NBEA: variants seen among roughly 807,000 people sequenced by gnomAD.
NBEA encodes the protein neurobeachin, also known as lysosomal-trafficking regulator 2.
NBEA carries 44 observed loss-of-function variants against 343.4 expected under a neutral mutation model. The observed-to-expected ratio is 0.13, with a 90% CI of 0.10 to 0.16. The LOEUF is 0.16. NBEA is among the 10% of genes least tolerant of loss of function. The pLI, the probability that NBEA is intolerant of heterozygous loss-of-function variation, is 1.00. For missense variants in NBEA, 2,555 were observed against 3,631.3 expected, an observed-to-expected ratio of 0.70 and a Z score of 7.62; for synonymous variants, 1,175 against 1,238.7, an observed-to-expected ratio of 0.95 and a Z score of 1.08.
chr13:35,236,881 T>C (rs1354648644), intron 34 of NBEA, among the ~76,000 whole-genome samples: 4 of 152,140 alleles, frequency 2.6e-5, no homozygotes, highest in Non-Finnish European at 5.9e-5. Context: ...ATAATATTAA[T>C]AAAATTATTT....
intron 39 of NBEA, among the ~76,000 whole-genome samples, chr13:35,451,802 G>C (rs1041211716): frequency 1.3e-5 from 2 of 152,132 alleles, no homozygotes; most frequent in Non-Finnish European, 2.9e-5. Context: ...CCTTAGACAT[G>C]GTAGAGTTCG....
At chr13:35,178,287 A>C (rs1230627449) in intron 28 of NBEA, among the ~76,000 whole-genome samples, 1 of 151,756 alleles carries the variant, frequency 6.6e-6, no homozygotes, top group South Asian at 2.1e-4. Context: ...AACCACTAGA[A>C]CCCAGTCGTT....
intron 25 of NBEA, among the ~76,000 whole-genome samples, chr13:35,170,173 C>A (rs573622965): frequency 6.6e-6 from 1 of 151,678 alleles, no homozygotes; most frequent in Admixed American, 6.6e-5. Flanking sequence ...TTTCTGCTCA[C>A]GTTTCCATGT....
chr13:35,202,253 C>A (rs2073072676), intron 31 of NBEA, among the ~76,000 whole-genome samples: 1 of 152,110 alleles, frequency 6.6e-6, no homozygotes, highest in South Asian at 2.1e-4. Flanking sequence ...ATAACTCTGA[C>A]CAGGTCAATT....
chr13:35,665,776 G>A (rs1388857329), intron 56 of NBEA, among the ~76,000 whole-genome samples: 5 of 152,074 alleles, frequency 3.3e-5, no homozygotes, highest in African/African-American at 4.8e-5. Context: ...ACAGGCGCCC[G>A]CAACCAAGCC....
At chr13:35,247,611 G>C (rs2031398420) in intron 34 of NBEA, among the ~76,000 whole-genome samples, 1 of 152,114 alleles carries the variant, frequency 6.6e-6, no homozygotes, top group Admixed American at 6.5e-5. Flanking sequence ...CACTTTCACA[G>C]TTTGGACACT....
At chr13:35,014,071 T>G (rs1397580157) in intron 1 of NBEA, among the ~76,000 whole-genome samples, 1 of 152,218 alleles carries the variant, frequency 6.6e-6, no homozygotes, top group Non-Finnish European at 1.5e-5. Flanking sequence ...GAAATTTTTG[T>G]AAACACCTTC....
At chr13:35,512,613 A>C (rs1351620179) in intron 41 of NBEA, among the ~76,000 whole-genome samples, 1 of 152,118 alleles carries the variant, frequency 6.6e-6, no homozygotes, top group Non-Finnish European at 1.5e-5. Context: ...AGCTTGCCTG[A>C]GTCTTATCTT....
At chr13:35,340,989 C>T (rs969764041) in intron 36 of NBEA, among the ~76,000 whole-genome samples, 3 of 152,076 alleles carry the variant, frequency 2.0e-5, no homozygotes, top group Admixed American at 6.6e-5. Context: ...AATTTCAAAA[C>T]TTAATACAAA....
chr13:35,094,425 A>G (rs891216702), intron 10 of NBEA, among the ~76,000 whole-genome samples: 2 of 152,052 alleles, frequency 1.3e-5, no homozygotes, highest in African/African-American at 2.4e-5. Context: ...TTTACCGCCT[A>G]TGTAGGCATT....
At chr13:35,477,921 T>C (rs2075949729) in intron 41 of NBEA, among the ~76,000 whole-genome samples, 1 of 152,176 alleles carries the variant, frequency 6.6e-6, no homozygotes, top group South Asian at 2.1e-4. Flanking sequence ...AGTTGTGTCC[T>C]CAAAGTACAG....
intron 41 of NBEA, among the ~76,000 whole-genome samples, chr13:35,482,023 A>G (rs1376826476): frequency 2.0e-5 from 3 of 151,974 alleles, no homozygotes; most frequent in South Asian, 2.1e-4. Context: ...GAAATATTCA[A>G]CATGACCTTG....
At chr13:35,389,502 C>A (rs2042397126) in intron 38 of NBEA, among the ~76,000 whole-genome samples, 4 of 151,474 alleles carry the variant, frequency 2.6e-5, no homozygotes, top group Admixed American at 2.6e-4. Flanking sequence ...ATTCTGAAAC[C>A]AAAAAAATGC....
At chr13:35,008,427 T>C (rs1362944386) in intron 1 of NBEA, among the ~76,000 whole-genome samples, 2 of 152,188 alleles carry the variant, frequency 1.3e-5, no homozygotes, top group African/African-American at 4.8e-5. Flanking sequence ...GCCTATACAA[T>C]GTAAATGCTG....
At chr13:35,338,674 G>A (rs962790723) in intron 36 of NBEA, among the ~76,000 whole-genome samples, 4 of 151,844 alleles carry the variant, frequency 2.6e-5, no homozygotes, top group African/African-American at 4.8e-5. Flanking sequence ...GTAACAAACC[G>A]GTATCTACCA....
At position 35,240,735 on chromosome 13, in the gene NBEA, A is replaced by C. The variant is rs1468620816; in HGVS notation, c.5776+8116A>C. Among the ~76,000 whole-genome samples, 3 of 151,862 alleles carry C rather than the reference A, an allele frequency of 2.0e-5. No homozygotes were observed. The East Asian group carries it at 5.8e-4, about 29-fold the overall frequency. ...GATTTAGGTATTAAAAACTATAATCAAAGGCAAAGTGATTATCATAAAAAT... is the reference window on the plus strand; with the variant it reads ...GATTTAGGTATTAAAAACTATAATCCAAGGCAAAGTGATTATCATAAAAAT... On this transcript the variant is annotated intron_variant, in intron 34 of 58. Transcript: ENST00000379939.
intron 35 of NBEA, among the ~76,000 whole-genome samples, chr13:35,302,228 C>T (rs1200273453): frequency 6.6e-6 from 1 of 152,226 alleles, no homozygotes; most frequent in East Asian, 1.9e-4. Context: ...CTCTCAGGCT[C>T]CAGGGGGCTG....
chr13:35,162,304 G>A (rs895572890), intron 23 of NBEA, among the ~76,000 whole-genome samples: 6 of 152,108 alleles, frequency 3.9e-5, no homozygotes, highest in African/African-American at 1.2e-4. Flanking sequence ...AATAGTAAAT[G>A]TGAAACAAAT....
rs71081262 is a variant in NBEA at position 35,539,915 on chromosome 13, C to CAAAAAAAAAAAA, written c.6586-10546_6586-10535dup. 9.6e-3 allele frequency among the ~76,000 whole-genome samples: 381 copies of CAAAAAAAAAAAA among 39,582 alleles called. 57 individuals carry two copies. Among genetic ancestry groups the CAAAAAAAAAAAA allele is most frequent in the Middle Eastern group, 0.033 (2 of 60 alleles). The allele number at this position is 39,582 out of a possible 152,430, so 26.0% of individuals were successfully genotyped here. On this transcript the variant is annotated intron_variant, in intron 41 of 58. Transcript: ENST00000379939. ...TGGGCGACAGAGCAAGACTCCGTCTCAAAAAAAAAAAAAAAAAAAAAAAAA... is the reference window on the plus strand; with the variant it reads ...TGGGCGACAGAGCAAGACTCCGTCTCAAAAAAAAAAAAAAAAAAAAAAAAAAAAAAAAAAAAA...
Sources: gnomAD v4.1 joint callset for allele counts (sites outside exome capture counted in the v4.1 genomes callset) on GRCh38, gnomAD v4.1.1 for gene constraint, MANE v1.5 for transcripts, NCBI Gene and HGNC (gene_info 2026-07-23, HGNC 2026-07-21) for gene names.